RARS2: variants seen among roughly 807,000 people sequenced by gnomAD.
RARS2 encodes the protein arginyl-tRNA synthetase 2, mitochondrial, also known as probable arginine--tRNA ligase, mitochondrial.
A neutral mutation model predicts 88.5 loss-of-function variants in RARS2; 67 were observed. The ratio of observed to expected loss-of-function variants is 0.76; its 90% CI spans 0.62 to 0.93. The LOEUF (loss-of-function observed/expected upper bound fraction) is 0.93, where lower values mean the gene tolerates loss of function less well. RARS2 is among the 40% of genes least tolerant of loss of function. RARS2 has a pLI of 0.00. For synonymous variants in RARS2, 239 were observed against 230.3 expected (o/e 1.04, Z -0.34); for missense variants, 664 against 684.2 (o/e 0.97, Z 0.33).
chr6:87,515,437 G>A (rs368086518), intron 18 of RARS2, among the ~76,000 whole-genome samples: 191 of 151,220 alleles, frequency 1.3e-3, no homozygotes, highest in African/African-American at 3.9e-3. Flanking sequence ...GGAGAATGGC[G>A]TGAACCCAGG....
intron 14 of RARS2, chr6:87,519,206 G>T (rs1345426040): frequency 3.7e-6 from 1 of 272,244 alleles, no homozygotes. Flanking sequence ...GTGTGTGTGT[G>T]TGTATATATA....
intron 11 of RARS2, among the ~76,000 whole-genome samples, chr6:87,523,078 T>C (rs1373504521): frequency 6.6e-6 from 1 of 152,194 alleles, no homozygotes; most frequent in Non-Finnish European, 1.5e-5. Context: ...GAAACAGTTG[T>C]AGAGCAGATT....
intron 14 of RARS2, 106 bp from the exon 15 acceptor site, chr6:87,518,997 A>G: frequency 1.8e-6 from 2 of 1,101,136 alleles, no homozygotes; most frequent in Non-Finnish European, 2.8e-6. Context: ...AATCAAGAAC[A>G]GATTCAGAAT....
rs769688961 is a variant in RARS2, at chr6:87,520,283, AAAG to A, written c.1036-30_1036-28del. Reference sequence around the variant, plus strand: ...TTGGGAAGAAAATATATATAAAATAAAAGAATACTGACAAATTAATGTATAAAA... The same window carrying A: ...TTGGGAAGAAAATATATATAAAATAAAATACTGACAAATTAATGTATAAAA... On this transcript the variant is annotated intron_variant, in intron 12 of 19. Transcript: ENST00000369536. 2.3e-5 allele frequency: 35 copies of A among 1,497,840 alleles called. No homozygotes were observed. The African/African-American group carries it at 4.4e-4, about 19-fold the overall frequency. The allele number at this position is 1,497,840 out of a possible 1,614,324, so 92.8% of individuals were successfully genotyped here.
chr6:87,585,998 G>C (rs1775040799), intron 1 of RARS2, among the ~76,000 whole-genome samples: 1 of 152,100 alleles, frequency 6.6e-6, no homozygotes, highest in Admixed American at 6.5e-5. Context: ...GATAGAATGG[G>C]GCATGAATGG....
chr6:87,543,302 CAAAACAAAAACA>C (rs563618761), intron 7 of RARS2, among the ~76,000 whole-genome samples: 29 of 147,352 alleles, frequency 2.0e-4, no homozygotes, highest in South Asian at 4.2e-4. Context: ...AACTCTGTCT[CAAAACAAAAACA>C]AAAACAAAAA....
At chr6:87,519,046 A>G (rs558353837) in intron 14 of RARS2, 155 bp from the exon 15 acceptor site, 1 of 739,158 alleles carries the variant, frequency 1.4e-6, no homozygotes, top group Non-Finnish European at 2.4e-6. Flanking sequence ...TTTACCTTTG[A>G]TAATGACATT....
intron 6 of RARS2, among the ~76,000 whole-genome samples, chr6:87,548,069 C>T (rs1214484005): frequency 6.6e-6 from 1 of 151,994 alleles, no homozygotes; most frequent in Admixed American, 6.6e-5. Flanking sequence ...AAGTAGAAAC[C>T]TTGTCTCTAC....
rs773453000 is a variant in RARS2, at chr6:87,589,902, G to A, written c.36+20C>T. The A allele has an allele frequency of 9.3e-6, 15 of 1,614,220 alleles. No homozygotes were observed. The East Asian group carries it at 3.1e-4, about 34-fold the overall frequency. ...TCCCTAGCTCCTCAGGGACTCCTCT[G>A]CGCGCTCCGGGATCCATACCTGGCA... On this transcript the variant is annotated intron_variant, in intron 1 of 19. Coordinates refer to ENST00000369536, the MANE Select transcript of RARS2 (RefSeq NM_020320.5).
intron 4 of RARS2, among the ~76,000 whole-genome samples, chr6:87,559,494 A>ACAGGGT (rs1787164520): frequency 6.9e-6 from 1 of 145,128 alleles, no homozygotes; most frequent in South Asian, 2.2e-4. Context: ...AAAAAAAGAG[A>ACAGGGT]CAGGGTCTTG....
chr6:87,521,644 G>T, intron 11 of RARS2, 120 bp from the exon 12 acceptor site: 1 of 739,962 alleles, frequency 1.4e-6, no homozygotes, highest in East Asian at 2.6e-5. Context: ...CACAGCCTGA[G>T]GAATTCCACC....
At chr6:87,582,580 GGTT>G (rs764730850) in intron 1 of RARS2, among the ~76,000 whole-genome samples, 5 of 152,102 alleles carry the variant, frequency 3.3e-5, no homozygotes, top group Non-Finnish European at 4.4e-5. Context: ...GCTATAGTAT[GGTT>G]ATTATTATAC....
intron 10 of RARS2, among the ~76,000 whole-genome samples, chr6:87,524,922 C>A (rs1219661372): frequency 6.6e-6 from 1 of 152,094 alleles, no homozygotes; most frequent in Non-Finnish European, 1.5e-5. Context: ...CTTTAATATA[C>A]CCAGTTGAAA....
intron 8 of RARS2, among the ~76,000 whole-genome samples, chr6:87,540,446 CAAAAAA>C (rs34144204): frequency 4.7e-5 from 2 of 42,356 alleles, no homozygotes; most frequent in South Asian, 8.7e-4. Flanking sequence ...TGAGACTCCT[CAAAAAA>C]AAAAAAAAAA....
chr6:87,521,675 A>T, intron 11 of RARS2, 151 bp from the exon 12 acceptor site: 1 of 584,100 alleles, frequency 1.7e-6, no homozygotes, highest in Non-Finnish European at 3.1e-6. Flanking sequence ...TAATCCGAAT[A>T]TCATGTTTTG....
chr6:87,548,524 T>A, intron 6 of RARS2, 67 bp downstream of exon 6: 4 of 1,480,366 alleles, frequency 2.7e-6, no homozygotes, highest in Admixed American at 1.8e-5. Flanking sequence ...CATTAAAACA[T>A]TAAATTGAAC....
intron 1 of RARS2, among the ~76,000 whole-genome samples, chr6:87,582,913 G>C (rs1383497041): frequency 1.3e-5 from 2 of 152,188 alleles, no homozygotes; most frequent in African/African-American, 4.8e-5. Flanking sequence ...AGAGCGTAAA[G>C]CTACTTAAAA....
At chr6:87,536,064 G>A (rs1582450519) in intron 8 of RARS2, among the ~76,000 whole-genome samples, 1 of 151,912 alleles carries the variant, frequency 6.6e-6, no homozygotes, top group Admixed American at 6.6e-5. Context: ...TCTTATAAGA[G>A]GCTGCCCTTA....
intron 2 of RARS2, 152 bp downstream of exon 2, chr6:87,569,365 G>A (rs1768897459): frequency 1.6e-6 from 1 of 630,834 alleles, no homozygotes; most frequent in Non-Finnish European, 2.8e-6. Context: ...TAAGTCAACA[G>A]GAGTAATAGG....
Sources: gnomAD v4.1 joint callset for allele counts (sites outside exome capture counted in the v4.1 genomes callset) on GRCh38, gnomAD v4.1.1 for gene constraint, MANE v1.5 for transcripts, NCBI Gene and HGNC (gene_info 2026-07-23, HGNC 2026-07-21) for gene names.